The following LRRTM1 variants were observed in gnomAD, a reference collection of about 807,000 sequenced individuals.
LRRTM1 encodes the protein leucine rich repeat transmembrane neuronal 1.
In LRRTM1, 8 loss-of-function variants were observed where a neutral mutation model predicts 37.3. The observed-to-expected ratio is 0.21, with a 90% CI of 0.13 to 0.39. The LOEUF (loss-of-function observed/expected upper bound fraction) is 0.39, where lower values mean the gene tolerates loss of function less well. Among genes scored for constraint, LRRTM1 ranks in the 10% least tolerant of loss-of-function variants. The pLI is 1.00. For synonymous variants in LRRTM1, 326 were observed against 316.8 expected (o/e 1.03, Z -0.31); for missense variants, 557 against 691.0 (o/e 0.81, Z 2.17).
chr2:80,290,228 T>C (rs1187017616), intron 2 of LRRTM1, among the ~76,000 whole-genome samples: 8 of 152,160 alleles, frequency 5.3e-5, no homozygotes, highest in Admixed American at 5.2e-4. Context: ...CCATGCCAGA[T>C]AGTTTTTTAG....
At position 80,304,259 on chromosome 2, in the gene LRRTM1, C is replaced by T. The variant is rs181654218; in HGVS notation, c.-167G>A. The stretch of plus-strand genomic sequence containing the variant: ...CTGTGTTTCCGAGGCAGCCCCGGTC[C>T]GCGGCCGGCGGATCTGGCAGGCGCA... On this transcript the variant is annotated 5_prime_UTR_variant, in exon 1 of 2. Transcript: ENST00000295057. 7.0e-4 allele frequency: 109 copies of T among 154,940 alleles called. No individual in the cohort carries two copies. In the East Asian group the frequency reaches 0.016, roughly 23 times the overall value. The allele number at this position is 154,940 out of a possible 1,614,324, so 9.6% of individuals were successfully genotyped here.
rs1286961560 is a variant in LRRTM1 at position 80,303,010 on chromosome 2, G to C, written c.810C>G (p.Tyr270Ter). The stretch of plus-strand genomic sequence containing the variant: ...CGGTCTCGAACACATGGGGCTCCAT[G>C]TACTCGATCTCGTTGCCCGACAAGT... ...KMDLSGNEIE[Y>*]MEPHVFETVP... Residue 270 changes from tyrosine (Y) to a stop codon, truncating the protein, a stop_gained, in exon 2 of 2, where the codon TAC (tyrosine) becomes TAG (stop). Coordinates refer to ENST00000295057, the MANE Select transcript of LRRTM1 (RefSeq NM_178839.5). LOFTEE classifies it high-confidence loss of function. This position sits in a 1 kb window ranked among gnomAD's most constrained non-coding sequence, Gnocchi z 7.7. 1 of 1,613,822 alleles carries C rather than the reference G, an allele frequency of 6.2e-7. No homozygotes were observed. Among genetic ancestry groups the C allele is most frequent in the Admixed American group, 1.7e-5 (1 of 59,984 alleles).
chr2:80,300,175 G>A (rs116800364), downstream of LRRTM1, among the ~76,000 whole-genome samples: 813 of 152,028 alleles, frequency 5.3e-3, 8 homozygotes, highest in African/African-American at 0.019. Flanking sequence ...AACACTAATA[G>A]TCTGAATGGG....
At chr2:80,298,640 T>G (rs1675971777), downstream of LRRTM1, 1 of 152,246 alleles carries the variant, frequency 6.6e-6, no homozygotes, top group Admixed American at 6.5e-5. Flanking sequence ...TACTCATAAA[T>G]GTGTTGTTGA....
downstream of LRRTM1, chr2:80,298,662 AC>A (rs772391270): frequency 6.6e-5 from 10 of 152,262 alleles, no homozygotes; most frequent in Non-Finnish European, 1.3e-4. Context: ...GCTAAATCAT[AC>A]CAAATGTCTG....
At chr2:80,296,897 G>A (rs1054107774), downstream of LRRTM1, among the ~76,000 whole-genome samples, 1 of 152,116 alleles carries the variant, frequency 6.6e-6, no homozygotes, top group African/African-American at 2.4e-5. Flanking sequence ...ATTTGCCCCT[G>A]GTTGAGAACC....
intron 2 of LRRTM1, among the ~76,000 whole-genome samples, chr2:80,290,240 A>G (rs1016211831): frequency 4.6e-5 from 7 of 152,192 alleles, no homozygotes; most frequent in African/African-American, 1.7e-4. Context: ...GTTTTTTAGT[A>G]CATCATGAGG....
rs116174190 is a variant in LRRTM1, at chr2:80,296,787, C to T, written c.*306+5158G>A. ...TGCTTGTAGGATGTTTCACAGTATCCAGACATCTACCTACTGGATACCAGT... is the reference window on the plus strand; with the variant it reads ...TGCTTGTAGGATGTTTCACAGTATCTAGACATCTACCTACTGGATACCAGT... On this transcript the variant is annotated intron_variant and NMD_transcript_variant, in intron 2 of 2. Coordinates refer to the LRRTM1 transcript ENST00000417012. Among the ~76,000 whole-genome samples the T allele has an allele frequency of 2.7e-3, 411 of 152,178 alleles. 3 individuals are homozygous for T. Among genetic ancestry groups the T allele is most frequent in the African/African-American group, 9.3e-3 (385 of 41,526 alleles).
At chr2:80,289,841 G>A (rs567217089) in intron 2 of LRRTM1, among the ~76,000 whole-genome samples, 1 of 152,272 alleles carries the variant, frequency 6.6e-6, no homozygotes, top group South Asian at 2.1e-4. Flanking sequence ...AGTCAAAAGT[G>A]TACTTGCCTC....
chr2:80,302,293 C>T lies in LRRTM1; in HGVS notation c.1527G>A (p.Ser509=), dbSNP rs772913799. Residue 509 remains serine (S), a synonymous_variant, in exon 2 of 2, where the codon TCG becomes TCA. Coordinates refer to ENST00000295057, the MANE Select transcript of LRRTM1 (RefSeq NM_178839.5). The surrounding 1 kb of genome is among the most constrained non-coding windows in gnomAD (Gnocchi z 6.4). ...GALVIINEYG[S]CTCHQQPARE... The stretch of plus-strand genomic sequence containing the variant: ...TCGCGGGCTGCTGGTGGCAGGTACA[C>T]GAGCCATACTCGTTGATGATCACCA... 6.3e-7 allele frequency: 1 copy of T among 1,596,298 alleles called. No individual in the cohort carries two copies. The highest frequency in any genetic ancestry group is 1.4e-5 in the African/African-American group (1 of 74,032).
At position 80,303,790 on chromosome 2, in the gene LRRTM1, T is replaced by C; in HGVS notation, c.30A>G (p.Leu10=). ...CCGAGGGCCTCCTCAGCAGCCAGTA[T>C]AGACAGAGACCGAGCAGCAGGAAAT... The part of the protein sequence containing the change: MDFLLLGLC[L]YWLLRRPSGV... Residue 10 remains leucine, a synonymous_variant, in exon 2 of 2, where the codon CTA becomes CTG. Transcript: ENST00000295057. This position sits in a 1 kb window ranked among gnomAD's most constrained non-coding sequence, Gnocchi z 7.7. 2 of 1,535,316 alleles carry C rather than the reference T, an allele frequency of 1.3e-6. No homozygotes were observed. The highest frequency in any genetic ancestry group is 1.8e-6 in the Non-Finnish European group (2 of 1,142,720).
intron 2 of LRRTM1, among the ~76,000 whole-genome samples, chr2:80,290,441 C>T (rs925517573): frequency 2.6e-5 from 4 of 152,062 alleles, no homozygotes; most frequent in East Asian, 2.0e-4. Context: ...AAAGTAAAAG[C>T]GTCATGAAAC....
rs1394627553 is a variant in LRRTM1, at chr2:80,302,632, G to C, written c.1188C>G (p.Asp396Glu). ...PPASSATTLA[D>E]GGEGQHDGTF... ...TGCCGTCGTGCTGCCCCTCCCCGCC[G>C]TCCGCGAGCGTGGTGGCCGAGCTGG... Residue 396 changes from aspartate (D) to glutamate (E), a missense_variant, in exon 2 of 2, where the codon GAC (aspartate) becomes GAG (glutamate). Transcript: ENST00000295057. This position sits in a 1 kb window ranked among gnomAD's most constrained non-coding sequence, Gnocchi z 6.4. 12 of 1,606,634 alleles carry C rather than the reference G, an allele frequency of 7.5e-6. No homozygotes were observed. Among genetic ancestry groups the C allele is most frequent in the Non-Finnish European group, 1.0e-5 (12 of 1,178,360 alleles).
At chr2:80,290,546 C>A (rs996095476) in intron 2 of LRRTM1, among the ~76,000 whole-genome samples, 8 of 151,856 alleles carry the variant, frequency 5.3e-5, no homozygotes, top group African/African-American at 1.7e-4. Context: ...TCAGTGTTTC[C>A]CAGCCATTTT....
intron 2 of LRRTM1, among the ~76,000 whole-genome samples, chr2:80,289,442 G>A (rs1675048595): frequency 6.6e-6 from 1 of 152,096 alleles, no homozygotes; most frequent in Non-Finnish European, 1.5e-5. Context: ...TACTGATTTA[G>A]TGTTCTCATT....
downstream of LRRTM1, among the ~76,000 whole-genome samples, chr2:80,300,709 C>T (rs1676205331): frequency 6.6e-6 from 1 of 152,162 alleles, no homozygotes; most frequent in African/African-American, 2.4e-5. Context: ...GGGACATGGG[C>T]TACATTGGTT....
At chr2:80,298,702 G>C (rs1675978369), downstream of LRRTM1, 1 of 152,192 alleles carries the variant, frequency 6.6e-6, no homozygotes, top group Non-Finnish European at 1.5e-5. Context: ...GAAAAGGTTG[G>C]GGGCTCTTCT....
chr2:80,301,545 G>A (rs1258629075), downstream of LRRTM1, among the ~76,000 whole-genome samples: 5 of 152,224 alleles, frequency 3.3e-5, no homozygotes, highest in Non-Finnish European at 1.5e-5. Context: ...AATGCTCTCT[G>A]CTTTAAAGGC....
rs139169712 is a variant in LRRTM1 at position 80,294,723 on chromosome 2, T to C, written c.*307-5528A>G. Among the ~76,000 whole-genome samples, 88 of 152,114 alleles carry C rather than the reference T, an allele frequency of 5.8e-4. 3 individuals are homozygous for C. Among genetic ancestry groups the C allele is most frequent in the African/African-American group, 2.0e-3 (84 of 41,476 alleles). On this transcript the variant is annotated intron_variant and NMD_transcript_variant, in intron 2 of 2. Transcript: ENST00000417012. ...AACTCACAATCTGTTGAGGGTGGGG[T>C]CCAGGAGTCAGTATTTATTGAGGCT...
Sources: allele counts gnomAD v4.1 joint callset (sites outside exome capture counted in the v4.1 genomes callset), GRCh38; gene constraint gnomAD v4.1.1; non-coding constraint Gnocchi (gnomAD v3.1); transcripts MANE v1.5; gene names NCBI Gene and HGNC (gene_info 2026-07-23, HGNC 2026-07-21).